The following PLSCR5 variants were observed in gnomAD, a reference collection of about 807,000 sequenced individuals.
PLSCR5 encodes the protein phospholipid scramblase family member 5, also known as phospholipid scramblase family, member 5.
PLSCR5 carries 44 observed loss-of-function variants against 33.6 expected under a neutral mutation model. The observed-to-expected ratio is 1.31, with a 90% CI of 1.03 to 1.69. PLSCR5 has a LOEUF of 1.69. PLSCR5 is among the 40% of genes most tolerant of loss of function. The pLI is 0.00. For missense variants in PLSCR5, 375 were observed against 318.7 expected, an observed-to-expected ratio of 1.18 and a Z score of -1.34; for synonymous variants, 148 against 112.3, an observed-to-expected ratio of 1.32 and a Z score of -2.01.
At chr3:146,593,725 T>C (rs141207970) in intron 4 of PLSCR5, among the ~76,000 whole-genome samples, 195 bp downstream of exon 4, 10 of 152,328 alleles carry the variant, frequency 6.6e-5, no homozygotes, top group Non-Finnish European at 1.3e-4. Context: ...AAAGCCACCA[T>C]AGTTTTTGGT....
intron 1 of PLSCR5, among the ~76,000 whole-genome samples, chr3:146,601,558 C>T (rs1020130331): frequency 2.0e-5 from 3 of 151,948 alleles, no homozygotes; most frequent in African/African-American, 7.2e-5. Flanking sequence ...TCAGATTGTC[C>T]TAAAGACATA....
chr3:146,592,861 T>A (rs1221936766), intron 4 of PLSCR5, among the ~76,000 whole-genome samples: 1 of 152,144 alleles, frequency 6.6e-6, no homozygotes, highest in Non-Finnish European at 1.5e-5. Flanking sequence ...ATGAGCATAT[T>A]TCTGTGATCA....
intron 4 of PLSCR5, 123 bp from the exon 5 acceptor site, chr3:146,592,004 A>G: frequency 1.2e-6 from 1 of 855,250 alleles, no homozygotes; most frequent in Non-Finnish European, 1.7e-6. Flanking sequence ...TCTACAAATC[A>G]TTCTAAATAC....
At chr3:146,579,918 A>T (rs929099167) in intron 7 of PLSCR5, among the ~76,000 whole-genome samples, 2 of 152,098 alleles carry the variant, frequency 1.3e-5, no homozygotes, top group Non-Finnish European at 2.9e-5. Context: ...TCTGACTACT[A>T]TATTTCTATT....
chr3:146,605,047 C>A (rs1004067203), intron 1 of PLSCR5, among the ~76,000 whole-genome samples, 153 bp downstream of exon 1: 3 of 152,070 alleles, frequency 2.0e-5, no homozygotes, highest in Admixed American at 6.6e-5. Flanking sequence ...ACTCAACATG[C>A]TCCTGGGAGT....
At position 146,600,388 on chromosome 3, in the gene PLSCR5, G is replaced by C. The variant is rs776440312; in HGVS notation, c.89C>G (p.Ser30Cys). Residue 30 changes from serine to cysteine, a missense_variant, in exon 2 of 8, where the codon TCT becomes TGT. Physicochemically the swap from Ser to Cys is moderately radical, Grantham distance 112. Transcript: ENST00000443512. Reference sequence around the variant, plus strand: ...CCATGCTTGGTTCCCTGGATTGGAAGAGGCAGGAAGGCTTTGGTCTGGGTC... The same window carrying C: ...CCATGCTTGGTTCCCTGGATTGGAACAGGCAGGAAGGCTTTGGTCTGGGTC... Reference protein sequence around the residue: ...APDPDQSLPASSNPGNQAWQL... With the variant: ...APDPDQSLPACSNPGNQAWQL... The C allele has an allele frequency of 3.7e-6, 6 of 1,610,826 alleles. No individual in the cohort carries two copies. The South Asian group carries it at 6.6e-5, about 18-fold the overall frequency.
At chr3:146,605,057 T>G in intron 1 of PLSCR5, 143 bp downstream of exon 1, 1 of 806,316 alleles carries the variant, frequency 1.2e-6, no homozygotes, top group Admixed American at 3.1e-5. Context: ...CTCCTGGGAG[T>G]TAAGATTTTA....
chr3:146,603,730 C>T (rs1188690525), intron 1 of PLSCR5, among the ~76,000 whole-genome samples: 1 of 151,948 alleles, frequency 6.6e-6, no homozygotes, highest in Non-Finnish European at 1.5e-5. Flanking sequence ...AACTTTTTAC[C>T]TTACAGTCTA....
rs1170145242 is a variant in PLSCR5 at position 146,592,896 on chromosome 3, T to C, written c.454-1015A>G. Among the ~76,000 whole-genome samples, 3 of 152,176 alleles carry C rather than the reference T, an allele frequency of 2.0e-5. No homozygotes were observed. The East Asian group carries it at 5.8e-4, about 29-fold the overall frequency. On this transcript the variant is annotated intron_variant, in intron 4 of 7. Coordinates refer to ENST00000443512, the MANE Select transcript of PLSCR5 (RefSeq NM_001085420.2). The stretch of plus-strand genomic sequence containing the variant: ...ATAATGACTACACTCTCTTGGGGCA[T>C]ATTAATATTAAATATCCTCAGTAGA...
At position 146,591,893 on chromosome 3, in the gene PLSCR5, G is replaced by T. The variant is rs375134945; in HGVS notation, c.454-12C>A. On this transcript the variant is annotated splice_polypyrimidine_tract_variant and intron_variant, in intron 4 of 7. Coordinates refer to ENST00000443512, the MANE Select transcript of PLSCR5 (RefSeq NM_001085420.2). ...GCTTGGATTTCTAACTGTAAGAAGA[G>T]ATAATGATAAAATAAGATTTTCTTA... 5.1e-6 allele frequency: 8 copies of T among 1,561,802 alleles called. No individual in the cohort carries two copies. Among genetic ancestry groups the T allele is most frequent in the Non-Finnish European group, 6.9e-6 (8 of 1,153,740 alleles).
intron 1 of PLSCR5, among the ~76,000 whole-genome samples, chr3:146,601,711 A>ATGT (rs1239643603): frequency 6.6e-6 from 1 of 152,142 alleles, no homozygotes; most frequent in African/African-American, 2.4e-5. Context: ...GCAAATTACA[A>ATGT]TGTTCTCACT....
chr3:146,593,884 A>C, intron 4 of PLSCR5, 36 bp downstream of exon 4: 1 of 1,573,520 alleles, frequency 6.4e-7, no homozygotes, highest in Non-Finnish European at 8.7e-7. Context: ...TGCTAATCTT[A>C]AAAATCAAAA....
intron 4 of PLSCR5, 93 bp downstream of exon 4, chr3:146,593,827 G>T: frequency 8.7e-7 from 1 of 1,149,376 alleles, no homozygotes; most frequent in South Asian, 1.4e-5. Context: ...ACAACTGGCA[G>T]GTTAATTGCC....
intron 4 of PLSCR5, among the ~76,000 whole-genome samples, chr3:146,592,188 C>T (rs1252512801): frequency 1.3e-5 from 2 of 152,000 alleles, no homozygotes; most frequent in East Asian, 3.9e-4. Flanking sequence ...CATTTTATCC[C>T]AAGTACAACC....
intron 7 of PLSCR5, among the ~76,000 whole-genome samples, chr3:146,579,800 A>C (rs1453920433): frequency 6.6e-6 from 1 of 152,024 alleles, no homozygotes; most frequent in African/African-American, 2.4e-5. Flanking sequence ...TAGCACCATC[A>C]CTTGGAGGAT....
intron 7 of PLSCR5, among the ~76,000 whole-genome samples, chr3:146,580,729 C>G (rs1367954085): frequency 6.6e-6 from 1 of 152,166 alleles, no homozygotes; most frequent in African/African-American, 2.4e-5. Context: ...TCTCAAAGTG[C>G]TGGGATTATA....
At chr3:146,602,194 C>A (rs964637469) in intron 1 of PLSCR5, among the ~76,000 whole-genome samples, 1 of 152,142 alleles carries the variant, frequency 6.6e-6, no homozygotes. Context: ...AGACCTTCCC[C>A]TGCTCTTGAG....
chr3:146,592,982 T>C (rs1004333441), intron 4 of PLSCR5, among the ~76,000 whole-genome samples: 1 of 152,166 alleles, frequency 6.6e-6, no homozygotes, highest in Non-Finnish European at 1.5e-5. Context: ...CTTAGTCAGA[T>C]GCTTACCTAA....
At chr3:146,578,291 T>C (rs1325313997) in intron 7 of PLSCR5, among the ~76,000 whole-genome samples, 1 of 152,118 alleles carries the variant, frequency 6.6e-6, no homozygotes, top group Non-Finnish European at 1.5e-5. Flanking sequence ...ATCTATTATG[T>C]GGAATAATAA....
Sources: gnomAD v4.1 joint callset for allele counts (sites outside exome capture counted in the v4.1 genomes callset) on GRCh38, gnomAD v4.1.1 for gene constraint, MANE v1.5 for transcripts, NCBI Gene and HGNC (gene_info 2026-07-23, HGNC 2026-07-21) for gene names.